MED12L: variants seen among roughly 807,000 people sequenced by gnomAD.
The protein encoded by MED12L is mediator complex subunit 12L, also known as mediator of RNA polymerase II transcription subunit 12-like protein.
A neutral mutation model predicts 281.3 loss-of-function variants in MED12L; 60 were observed. The ratio of observed to expected loss-of-function variants is 0.21; its 90% CI spans 0.17 to 0.26. MED12L has a LOEUF of 0.26. Ranked by LOEUF, MED12L falls within the 10% of genes least tolerant of loss-of-function variation. The pLI, the probability that MED12L is intolerant of heterozygous loss-of-function variation, is 1.00. For synonymous variants in MED12L, 974 were observed against 987.2 expected, an observed-to-expected ratio of 0.99 and a Z score of 0.25; for missense variants, 2,146 against 2,680.9, an observed-to-expected ratio of 0.80 and a Z score of 4.41.
In MED12L at chr3:151,365,120, G is replaced by C; in HGVS notation, c.3099G>C (p.Lys1033Asn). The C allele has an allele frequency of 6.2e-7, 1 of 1,614,084 alleles. No homozygotes were observed. The highest frequency in any genetic ancestry group is 8.5e-7 in the Non-Finnish European group (1 of 1,179,962). The change falls in exon 22 of 45, where the codon AAG becomes AAC. Residue 1033 changes from lysine to asparagine, a missense_variant. Lys to Asn is a moderately conservative substitution (Grantham distance 94). This residue lies in a region of MED12L where 404 missense variants were observed against 603.5 expected (regional missense o/e 0.67). Transcript: ENST00000687756. ...ARSINYSMLG[K>N]ILSDNAANRY... ...GCATCAACTACTCAATGCTGGGCAA[G>C]ATCCTCAGTGACAATGCGGCCAATC...
intron 16 of MED12L, among the ~76,000 whole-genome samples, chr3:151,331,807 T>G (rs1750384380): frequency 2.0e-5 from 3 of 152,352 alleles, no homozygotes; most frequent in Middle Eastern, 3.4e-3. Flanking sequence ...CCCCAGAGAT[T>G]GGTCCCATTT....
Position 151,142,272 on chromosome 3 carries a change from G to A in MED12L, c.557-13889G>A, listed in dbSNP as rs1471811933. Among the ~76,000 whole-genome samples the A allele has an allele frequency of 2.6e-5, 4 of 152,316 alleles. No homozygotes were observed. In the South Asian group the frequency reaches 8.3e-4, roughly 32 times the overall value. On this transcript the variant is annotated intron_variant, in intron 5 of 44. Coordinates refer to ENST00000687756, the MANE Select transcript of MED12L (RefSeq NM_001393769.1). ...TTGCATGCTGCTCACATCAAATGAA[G>A]ATCAACTGTGTGAAGCTGAGTGGGG...
At chr3:151,386,060 C>T (rs1018917045) in intron 36 of MED12L, among the ~76,000 whole-genome samples, 2 of 152,010 alleles carry the variant, frequency 1.3e-5, no homozygotes, top group Non-Finnish European at 2.9e-5. Flanking sequence ...TGACACGAGT[C>T]ATTTTGAAGG....
Position 151,191,000 on chromosome 3 carries a change from G to A in MED12L, c.1968+69G>A, listed in dbSNP as rs1723903996. The A allele has an allele frequency of 8.8e-6, 12 of 1,366,980 alleles. No individual in the cohort carries two copies. The Admixed American group carries it at 2.2e-4, about 25-fold the overall frequency. The allele number at this position is 1,366,980 out of a possible 1,614,324, so 84.7% of individuals were successfully genotyped here. ...TCTACTGGGAACCATGTTCAAATGG[G>A]TCATGTAGTGGTAGAAGAGTGATGG... On this transcript the variant is annotated intron_variant, in intron 14 of 44. Coordinates refer to ENST00000687756, the MANE Select transcript of MED12L (RefSeq NM_001393769.1).
At chr3:151,102,479 A>C (rs1721506769) in intron 2 of MED12L, among the ~76,000 whole-genome samples, 1 of 152,210 alleles carries the variant, frequency 6.6e-6, no homozygotes, top group Non-Finnish European at 1.5e-5. Context: ...CACCACCAAC[A>C]GCAAAAAAGA....
intron 16 of MED12L, among the ~76,000 whole-genome samples, chr3:151,322,183 G>T (rs532374483): frequency 1.1e-4 from 17 of 152,122 alleles, no homozygotes; most frequent in African/African-American, 3.9e-4. Context: ...AAGCTGATTT[G>T]TTTCTCCCTG....
chr3:151,192,398 T>C (rs1444480711), intron 14 of MED12L, among the ~76,000 whole-genome samples, 152 bp from the exon 15 acceptor site: 2 of 152,206 alleles, frequency 1.3e-5, no homozygotes, highest in Admixed American at 1.3e-4. Flanking sequence ...TAGCAAGGCA[T>C]GCCTTAAAGC....
At chr3:151,407,710 T>C (rs1169874359) in intron 39 of MED12L, among the ~76,000 whole-genome samples, 1 of 152,228 alleles carries the variant, frequency 6.6e-6, no homozygotes, top group Non-Finnish European at 1.5e-5. Flanking sequence ...ATTAATGAGT[T>C]AGAGACTAAG....
intron 17 of MED12L, 40 bp from the exon 18 acceptor site, chr3:151,355,081 A>G (rs1753745570): frequency 1.3e-6 from 2 of 1,482,292 alleles, no homozygotes; most frequent in South Asian, 2.3e-5. Context: ...GAGAGCTTCT[A>G]TTAAATGGAA....
intron 16 of MED12L, chr3:151,327,714 A>C (rs1410409119): frequency 2.3e-5 from 6 of 261,602 alleles, no homozygotes; most frequent in African/African-American, 4.5e-5. Flanking sequence ...CAAAATGTTA[A>C]AGTGAAATGC....
At chr3:151,238,284 C>A (rs1318595298) in intron 16 of MED12L, among the ~76,000 whole-genome samples, 1 of 152,106 alleles carries the variant, frequency 6.6e-6, no homozygotes, top group African/African-American at 2.4e-5. Flanking sequence ...GTAGCTGGGA[C>A]TACAGGCACC....
At chr3:151,223,463 G>A (rs1348992426) in intron 16 of MED12L, among the ~76,000 whole-genome samples, 1 of 152,180 alleles carries the variant, frequency 6.6e-6, no homozygotes, top group South Asian at 2.1e-4. Context: ...ATGATGGATT[G>A]GATGAAGAAA....
At chr3:151,344,105 C>T (rs528317206) in intron 16 of MED12L, among the ~76,000 whole-genome samples, 5 of 152,028 alleles carry the variant, frequency 3.3e-5, no homozygotes, top group South Asian at 2.1e-4. Flanking sequence ...AAATGAATGC[C>T]GTCTTTTGTG....
chr3:151,086,904 T>C lies in MED12L; in HGVS notation c.-23T>C. 6.4e-7 allele frequency: 1 copy of C among 1,558,976 alleles called. No individual in the cohort carries two copies. Among genetic ancestry groups the C allele is most frequent in the Non-Finnish European group, 8.7e-7 (1 of 1,150,534 alleles). The stretch of plus-strand genomic sequence containing the variant: ...TGCTCCAGCTCCAACTCTCATTCAT[T>C]TCGCCGGTTAACATGAGAGATCATG... On this transcript the variant is annotated 5_prime_UTR_variant, in exon 2 of 45. Coordinates refer to ENST00000687756, the MANE Select transcript of MED12L (RefSeq NM_001393769.1).
At chr3:151,370,264 C>T (rs191951417) in intron 26 of MED12L, among the ~76,000 whole-genome samples, 1 of 152,262 alleles carries the variant, frequency 6.6e-6, no homozygotes, top group East Asian at 1.9e-4. Flanking sequence ...TCAAGTCAGA[C>T]TGCCTAATTC....
chr3:151,107,329 A>C (rs1417620960), intron 2 of MED12L, among the ~76,000 whole-genome samples: 1 of 152,126 alleles, frequency 6.6e-6, no homozygotes, highest in East Asian at 1.9e-4. Flanking sequence ...TTGCAGTCAG[A>C]GCTCAGGTCA....
At chr3:151,250,263 CT>C (rs1444651384) in intron 16 of MED12L, among the ~76,000 whole-genome samples, 2 of 152,214 alleles carry the variant, frequency 1.3e-5, no homozygotes, top group South Asian at 2.1e-4. Flanking sequence ...TTTGAGGTAG[CT>C]TTTTTGGGAT....
intron 2 of MED12L, among the ~76,000 whole-genome samples, chr3:151,109,808 C>A (rs1258227859): frequency 6.6e-6 from 1 of 152,190 alleles, no homozygotes; most frequent in Non-Finnish European, 1.5e-5. Context: ...CTCTTACTTT[C>A]CATGTTGTAC....
At chr3:151,195,587 GTTTA>G (rs1196757024) in intron 16 of MED12L, among the ~76,000 whole-genome samples, 1 of 152,150 alleles carries the variant, frequency 6.6e-6, no homozygotes, top group East Asian at 1.9e-4. Flanking sequence ...TAATCTCACA[GTTTA>G]TTTAGGGGAG....
Sources: allele counts gnomAD v4.1 joint callset (sites outside exome capture counted in the v4.1 genomes callset), GRCh38; gene constraint gnomAD v4.1.1; regional missense constraint gnomAD v4.1.1; transcripts MANE v1.5; gene names NCBI Gene and HGNC (gene_info 2026-07-23, HGNC 2026-07-21).